Variants in GALNTL6 observed in about 807,000 individuals in gnomAD.
GALNTL6 encodes polypeptide N-acetylgalactosaminyltransferase-like 6.
In GALNTL6, 46 loss-of-function variants were observed where a neutral mutation model predicts 73.7. The observed-to-expected ratio is 0.62, with a 90% CI of 0.49 to 0.80. The LOEUF (loss-of-function observed/expected upper bound fraction) is 0.80, where lower values mean the gene tolerates loss of function less well. GALNTL6 is among the 30% of genes least tolerant of loss of function. GALNTL6 has a pLI of 0.00. For synonymous variants in GALNTL6, 259 were observed against 263.7 expected, an observed-to-expected ratio of 0.98 and a Z score of 0.17; for missense variants, 604 against 755.0, an observed-to-expected ratio of 0.80 and a Z score of 2.34.
chr4:172,855,300 A>T (rs1436698535), intron 7 of GALNTL6, among the ~76,000 whole-genome samples: 5 of 152,096 alleles, frequency 3.3e-5, no homozygotes, highest in Admixed American at 1.3e-4. Flanking sequence ...AAGTGGTAGA[A>T]ATTTACAGTT....
At chr4:172,627,637 G>T (rs1037529959) in intron 5 of GALNTL6, among the ~76,000 whole-genome samples, 3 of 151,572 alleles carry the variant, frequency 2.0e-5, no homozygotes, top group African/African-American at 7.3e-5. Flanking sequence ...AGCTTTTTGC[G>T]TTGGTAGGTT....
chr4:172,041,736 A>G (rs1270215921), intron 2 of GALNTL6, among the ~76,000 whole-genome samples: 1 of 152,066 alleles, frequency 6.6e-6, no homozygotes, highest in Non-Finnish European at 1.5e-5. Flanking sequence ...GAGTAATTAT[A>G]AAGTGTCACA....
chr4:171,821,818 G>A (rs918767872), intron 2 of GALNTL6, among the ~76,000 whole-genome samples: 145 of 152,142 alleles, frequency 9.5e-4, no homozygotes, highest in African/African-American at 3.3e-3. Flanking sequence ...ATGTAGTAGG[G>A]AGGACTGTTG....
At chr4:172,369,040 G>A (rs558575327) in intron 5 of GALNTL6, among the ~76,000 whole-genome samples, 2 of 152,272 alleles carry the variant, frequency 1.3e-5, no homozygotes, top group East Asian at 3.9e-4. Flanking sequence ...GACCTGAGCA[G>A]GTTGCCACTG....
intron 10 of GALNTL6, among the ~76,000 whole-genome samples, chr4:172,985,364 C>T (rs1751247063): frequency 6.7e-6 from 1 of 150,314 alleles, no homozygotes; most frequent in Non-Finnish European, 1.5e-5. Context: ...ATTGTGACCC[C>T]TCACATTCAT....
chr4:171,840,978 A>G (rs1271183028), intron 2 of GALNTL6, among the ~76,000 whole-genome samples: 1 of 152,174 alleles, frequency 6.6e-6, no homozygotes, highest in Non-Finnish European at 1.5e-5. Context: ...TTATGATCAC[A>G]TCAGCCCACA....
intron 5 of GALNTL6, among the ~76,000 whole-genome samples, chr4:172,660,790 G>A (rs1731327076): frequency 6.6e-6 from 1 of 152,114 alleles, no homozygotes; most frequent in African/African-American, 2.4e-5. Context: ...CAGCTATAGA[G>A]GAAGGAAGAA....
intron 11 of GALNTL6, among the ~76,000 whole-genome samples, chr4:173,012,091 T>G (rs1234161448): frequency 6.6e-6 from 1 of 152,120 alleles, no homozygotes; most frequent in Non-Finnish European, 1.5e-5. Context: ...TGTTTTAATT[T>G]TAAATTAAGA....
chr4:172,063,884 A>G (rs1325464933), intron 2 of GALNTL6, among the ~76,000 whole-genome samples: 2 of 152,186 alleles, frequency 1.3e-5, no homozygotes, highest in Non-Finnish European at 2.9e-5. Flanking sequence ...CTTATCCTTT[A>G]TGTAATACCT....
intron 2 of GALNTL6, among the ~76,000 whole-genome samples, chr4:172,042,286 T>C (rs533818656): frequency 7.9e-5 from 12 of 152,112 alleles, no homozygotes; most frequent in Non-Finnish European, 1.6e-4. Flanking sequence ...ACACCTGCAA[T>C]TGTAAGTAAA....
intron 5 of GALNTL6, among the ~76,000 whole-genome samples, chr4:172,758,763 G>A (rs1012942892): frequency 3.9e-5 from 6 of 152,122 alleles, no homozygotes; most frequent in Admixed American, 2.0e-4. Context: ...ATCATCCCTT[G>A]GTCCAGCATA....
intron 2 of GALNTL6, among the ~76,000 whole-genome samples, chr4:171,954,969 G>A (rs1366428775): frequency 1.3e-5 from 2 of 152,190 alleles, no homozygotes; most frequent in Non-Finnish European, 2.9e-5. Context: ...TGTAAAGCCT[G>A]CTGAACTGTG....
At chr4:173,038,769 T>G (rs1278243349) in intron 12 of GALNTL6, among the ~76,000 whole-genome samples, 2 of 152,226 alleles carry the variant, frequency 1.3e-5, no homozygotes, top group Non-Finnish European at 2.9e-5. Flanking sequence ...CATTAAATAT[T>G]GGTTGATGGA....
At chr4:172,834,536 C>T (rs1281748565) in intron 7 of GALNTL6, among the ~76,000 whole-genome samples, 1 of 152,216 alleles carries the variant, frequency 6.6e-6, no homozygotes, top group Non-Finnish European at 1.5e-5. Flanking sequence ...GAGAGAACTG[C>T]CTGCCAAGGA....
chr4:172,442,034 ATTAG>A (rs1193702235), intron 5 of GALNTL6, among the ~76,000 whole-genome samples: 2 of 152,142 alleles, frequency 1.3e-5, no homozygotes, highest in Non-Finnish European at 2.9e-5. Context: ...TCCATATATA[ATTAG>A]TTATTTATAA....
At chr4:172,034,114 A>G (rs575982818) in intron 2 of GALNTL6, among the ~76,000 whole-genome samples, 2 of 152,232 alleles carry the variant, frequency 1.3e-5, no homozygotes, top group African/African-American at 2.4e-5. Context: ...AATTCTTTTT[A>G]GGATATTTGC....
At chr4:171,953,531 T>A (rs970994755) in intron 2 of GALNTL6, among the ~76,000 whole-genome samples, 2 of 152,158 alleles carry the variant, frequency 1.3e-5, no homozygotes, top group Non-Finnish European at 2.9e-5. Flanking sequence ...AATATGGAAG[T>A]TTATTTTTAC....
chr4:172,292,766 A>G (rs936963308), intron 3 of GALNTL6, among the ~76,000 whole-genome samples: 5 of 152,188 alleles, frequency 3.3e-5, no homozygotes, highest in African/African-American at 7.2e-5. Flanking sequence ...ATTTGGATTT[A>G]TTAATAGTTA....
At chr4:171,935,868 G>C (rs1049564277) in intron 2 of GALNTL6, among the ~76,000 whole-genome samples, 1 of 152,086 alleles carries the variant, frequency 6.6e-6, no homozygotes, top group Non-Finnish European at 1.5e-5. Flanking sequence ...GGTAGGTAAA[G>C]AATGAAGACC....
Sources: allele counts gnomAD v4.1 joint callset (sites outside exome capture counted in the v4.1 genomes callset), GRCh38; gene constraint gnomAD v4.1.1; transcripts MANE v1.5; gene names NCBI Gene and HGNC (gene_info 2026-07-23, HGNC 2026-07-21).